The following TCEA3 variants were observed in gnomAD, a reference collection of about 807,000 sequenced individuals.
TCEA3 encodes the protein transcription elongation factor A protein 3.
A neutral mutation model predicts 44.0 loss-of-function variants in TCEA3; 36 were observed. That is an observed-to-expected ratio of 0.82 (90% CI 0.63 to 1.08). TCEA3 has a LOEUF of 1.08. Among genes scored for constraint, TCEA3 ranks in the 50% least tolerant of loss-of-function variants. The pLI is 0.00. For missense variants in TCEA3, 392 were observed against 441.2 expected (o/e 0.89, Z 1.00); for synonymous variants, 162 against 159.7 (o/e 1.01, Z -0.11).
In TCEA3 at chr1:23,399,166, A is replaced by ATG. The variant is rs1418672686; in HGVS notation, c.444-1212_444-1211insCA. ...TATGTATATATATATATATATATAT[A>ATG]TATATATATATATCCATATGTGCAC... On this transcript the variant is annotated intron_variant, in intron 5 of 10. Coordinates refer to ENST00000450454, the MANE Select transcript of TCEA3 (RefSeq NM_003196.3). Among the ~76,000 whole-genome samples the ATG allele has an allele frequency of 1.6e-3, 226 of 138,070 alleles. 3 individuals are homozygous for ATG. The highest frequency in any genetic ancestry group is 4.9e-3 in the African/African-American group (186 of 37,886). 90.6% of individuals were successfully genotyped at this position (138,070 alleles called of 152,430 possible).
intron 10 of TCEA3, among the ~76,000 whole-genome samples, chr1:23,381,759 G>A (rs1638677076): frequency 6.6e-6 from 1 of 152,228 alleles, no homozygotes; most frequent in African/African-American, 2.4e-5. Context: ...CACTGGGATG[G>A]CTACTAATCA....
chr1:23,396,896 T>A (rs1185478101), intron 7 of TCEA3, among the ~76,000 whole-genome samples: 2 of 151,588 alleles, frequency 1.3e-5, no homozygotes, highest in Non-Finnish European at 2.9e-5. Flanking sequence ...TTCCAGCTAC[T>A]TGAGAGGCTG....
At chr1:23,396,579 T>G (rs1639222246) in intron 7 of TCEA3, among the ~76,000 whole-genome samples, 1 of 152,196 alleles carries the variant, frequency 6.6e-6, no homozygotes, top group South Asian at 2.1e-4. Flanking sequence ...TTGACAGTTC[T>G]GAGCCTCAGA....
intron 8 of TCEA3, among the ~76,000 whole-genome samples, chr1:23,393,617 T>C (rs1639127608): frequency 6.6e-6 from 1 of 152,330 alleles, no homozygotes; most frequent in African/African-American, 2.4e-5. Context: ...ATCTGTAGAA[T>C]GGGGATAATA....
intron 5 of TCEA3, among the ~76,000 whole-genome samples, chr1:23,406,585 C>T (rs1451128586): frequency 6.6e-6 from 1 of 152,152 alleles, no homozygotes. Context: ...CATCCAGGTT[C>T]TTCAGATGTC....
intron 1 of TCEA3, 61 bp from the exon 2 acceptor site, chr1:23,419,200 T>G (rs1639985285): frequency 7.5e-7 from 1 of 1,327,404 alleles, no homozygotes; most frequent in East Asian, 2.5e-5. Flanking sequence ...CTCTGACTAT[T>G]GTGTGGTCTT....
chr1:23,390,297 C>T (rs556618459), intron 8 of TCEA3, among the ~76,000 whole-genome samples: 15 of 152,232 alleles, frequency 9.9e-5, no homozygotes, highest in African/African-American at 3.4e-4. Flanking sequence ...GGCGAAACTT[C>T]GTCTCTACTA....
At chr1:23,398,836 T>C (rs1639297038) in intron 5 of TCEA3, among the ~76,000 whole-genome samples, 2 of 152,014 alleles carry the variant, frequency 1.3e-5, no homozygotes, top group African/African-American at 4.8e-5. Flanking sequence ...GGTGCAGTCA[T>C]GGCTCACTAC....
intron 5 of TCEA3, among the ~76,000 whole-genome samples, chr1:23,407,959 TG>T (rs1558056277): frequency 6.6e-6 from 1 of 152,090 alleles, no homozygotes; most frequent in Non-Finnish European, 1.5e-5. Flanking sequence ...TTTTTTGTTT[TG>T]TTTTGTTTGT....
rs534470721 is a variant in TCEA3, at chr1:23,386,357, C to T, written c.966+916G>A. ...CTGCCTCATCGCCACCCATTTCCCC[C>T]GCATCCAGTAGCTGGGACTACAGGC... is the stretch of plus-strand genomic sequence containing the variant. On this transcript the variant is annotated intron_variant, in intron 9 of 10. Transcript: ENST00000450454. Among the ~76,000 whole-genome samples, 9 of 152,110 alleles carry T rather than the reference C, an allele frequency of 5.9e-5. No individual in the cohort carries two copies. The South Asian group carries it at 1.0e-3, about 18-fold the overall frequency.
chr1:23,424,376 C>G (rs1640155610), intron 1 of TCEA3, among the ~76,000 whole-genome samples, 189 bp downstream of exon 1: 1 of 152,022 alleles, frequency 6.6e-6, no homozygotes, highest in Non-Finnish European at 1.5e-5. Flanking sequence ...GCCACGCACA[C>G]GCCCACCTCG....
chr1:23,423,992 GA>G (rs1640141554), intron 1 of TCEA3: 4 of 385,840 alleles, frequency 1.0e-5, no homozygotes, highest in Admixed American at 3.3e-5. Context: ...CAAGGCCAAG[GA>G]AAGGGAAAAT....
chr1:23,414,763 TA>T (rs1639837537), intron 4 of TCEA3, among the ~76,000 whole-genome samples: 1 of 152,312 alleles, frequency 6.6e-6, no homozygotes, highest in African/African-American at 2.4e-5. Flanking sequence ...ATCTGTATTA[TA>T]AAAAATACAA....
At chr1:23,383,676 T>C in intron 10 of TCEA3, 3 of 985,428 alleles carry the variant, frequency 3.0e-6, no homozygotes, top group Non-Finnish European at 3.6e-6. Context: ...AGACATCACA[T>C]GGTGCACATG....
rs1036715513 is a variant in TCEA3 at position 23,403,917 on chromosome 1, C to CA, written c.443+4746dup. 1.4e-5 allele frequency: 8 copies of CA among 554,552 alleles called. No individual in the cohort carries two copies. The Admixed American group carries it at 2.1e-4, about 15-fold the overall frequency. The allele number at this position is 554,552 out of a possible 1,614,324, so 34.4% of individuals were successfully genotyped here. A position where few individuals can be genotyped will look rare whatever the true frequency, so the allele number is the denominator to read the frequency against. On this transcript the variant is annotated intron_variant, in intron 5 of 10. Coordinates refer to ENST00000450454, the MANE Select transcript of TCEA3 (RefSeq NM_003196.3). ...GTCTGGGCAGCATTTCAGGCAGCCA[C>CA]ACTCATTTTGCTTTCAATGCACACG...
At chr1:23,410,802 A>G (rs182713017) in intron 4 of TCEA3, 4 of 152,448 alleles carry the variant, frequency 2.6e-5, no homozygotes, top group Admixed American at 2.0e-4. Context: ...CTCCATCTCA[A>G]AAGAAAAGAA....
intron 5 of TCEA3, among the ~76,000 whole-genome samples, chr1:23,404,321 G>T (rs1639482082): frequency 6.6e-6 from 1 of 151,758 alleles, no homozygotes; most frequent in Admixed American, 6.6e-5. Flanking sequence ...CTTTGGGTGT[G>T]CCATTTCTTT....
At chr1:23,404,397 A>C (rs982281636) in intron 5 of TCEA3, among the ~76,000 whole-genome samples, 1 of 151,782 alleles carries the variant, frequency 6.6e-6, no homozygotes, top group African/African-American at 2.4e-5. Flanking sequence ...TTCTCAGCTC[A>C]AATACTTTCT....
chr1:23,410,337 C>G (rs1235259183), intron 4 of TCEA3, among the ~76,000 whole-genome samples: 3 of 152,020 alleles, frequency 2.0e-5, no homozygotes, highest in Admixed American at 6.6e-5. Flanking sequence ...CATTGCTTTT[C>G]TTTTTAGAAT....
Sources: allele counts gnomAD v4.1 joint callset (sites outside exome capture counted in the v4.1 genomes callset), GRCh38; gene constraint gnomAD v4.1.1; transcripts MANE v1.5; gene names NCBI Gene and HGNC (gene_info 2026-07-23, HGNC 2026-07-21).